The following PCDHAC1 variants were observed in gnomAD, a reference collection of about 807,000 sequenced individuals.
PCDHAC1 encodes protocadherin alpha-C1.
In PCDHAC1, 42 loss-of-function variants were observed where a neutral mutation model predicts 60.0. The observed-to-expected ratio is 0.70, with a 90% CI of 0.55 to 0.90. PCDHAC1 has a LOEUF of 0.90. Among genes scored for constraint, PCDHAC1 ranks in the 40% least tolerant of loss-of-function variants. PCDHAC1 has a pLI of 0.00. For synonymous variants in PCDHAC1, 468 were observed against 499.3 expected, an observed-to-expected ratio of 0.94 and a Z score of 0.84; for missense variants, 1,160 against 1,222.3, an observed-to-expected ratio of 0.95 and a Z score of 0.76.
chr5:140,941,862 T>G (rs1007783083), intron 1 of PCDHAC1, among the ~76,000 whole-genome samples: 33 of 152,238 alleles, frequency 2.2e-4, no homozygotes, highest in African/African-American at 7.7e-4. Context: ...TTCCCTATCA[T>G]AGAGTTCTAT....
Position 140,927,422 on chromosome 5 carries a change from T to G in PCDHAC1, c.530T>G (p.Val177Gly). ...TTTCGCCTGGACATGGGATCGCGGG[T>G]TGACGGCAGCGAATACCCGGAGTTG... Reference protein sequence around the residue: ...QHFRLDMGSRVDGSEYPELVL... With the variant: ...QHFRLDMGSRGDGSEYPELVL... The change falls in exon 1 of 4, where the codon GTT becomes GGT. Residue 177 changes from valine to glycine, a missense_variant. Transcript: ENST00000253807. The G allele has an allele frequency of 6.2e-7, 1 of 1,614,028 alleles. No individual in the cohort carries two copies.
Position 140,982,485 on chromosome 5 carries a change from C to T in PCDHAC1, c.2503C>T (p.Leu835=). 1 of 1,614,100 alleles carries T rather than the reference C, an allele frequency of 6.2e-7. No homozygotes were observed. The highest frequency in any genetic ancestry group is 8.5e-7 in the Non-Finnish European group (1 of 1,180,004). The part of the protein sequence containing the change: ...LRAGMHSSVH[L]EEAGILRAGP... ...TGTGTGTTTATTCAGCTCTGTGCAC[C>T]TAGAGGAGGCTGGCATTCTACGGGC... The change falls in exon 3 of 4, where the codon CTA becomes TTA. Residue 835 remains leucine (L), a synonymous_variant. Coordinates refer to ENST00000253807, the MANE Select transcript of PCDHAC1 (RefSeq NM_018898.5).
chr5:140,952,821 A>G (rs269545), intron 1 of PCDHAC1, among the ~76,000 whole-genome samples: 31,238 of 152,098 alleles, frequency 0.21, 3,965 homozygotes, highest in African/African-American at 0.36. Context: ...CTGTACAGGA[A>G]GCATGATGCT....
Position 140,927,766 on chromosome 5 carries a change from G to A in PCDHAC1, c.874G>A (p.Glu292Lys). The A allele has an allele frequency of 1.2e-6, 2 of 1,614,234 alleles. No individual in the cohort carries two copies. The highest frequency in any genetic ancestry group is 1.7e-6 in the Non-Finnish European group (2 of 1,180,034). ...CTTTCACGTGCACCCTAAAAGTGGG[G>A]AGGTGCAAGTAGCTGCTTCACTAGG... Reference protein sequence around the residue: ...HRFHVHPKSGEVQVAASLGPP... With the variant: ...HRFHVHPKSGKVQVAASLGPP... The change falls in exon 1 of 4, where the codon GAG becomes AAG. Residue 292 changes from glutamate (E) to lysine (K), a missense_variant. Physicochemically the swap from Glu to Lys is moderately conservative, Grantham distance 56 (BLOSUM62 1). Coordinates refer to ENST00000253807, the MANE Select transcript of PCDHAC1 (RefSeq NM_018898.5).
intron 1 of PCDHAC1, among the ~76,000 whole-genome samples, chr5:140,975,698 T>C (rs1298498012): frequency 6.6e-6 from 1 of 152,202 alleles, no homozygotes; most frequent in Non-Finnish European, 1.5e-5. Flanking sequence ...TTTAAACTTA[T>C]TTTACTTTAA....
At chr5:140,988,519 T>C (rs187868159) in intron 3 of PCDHAC1, among the ~76,000 whole-genome samples, 69 of 152,324 alleles carry the variant, frequency 4.5e-4, no homozygotes, top group African/African-American at 1.5e-3. Context: ...TACTTAAGTC[T>C]CTGCTGGCTC....
intron 1 of PCDHAC1, among the ~76,000 whole-genome samples, chr5:140,970,348 T>A (rs2096398928): frequency 6.6e-6 from 1 of 152,186 alleles, no homozygotes; most frequent in Admixed American, 6.5e-5. Context: ...ATTTTCTGGA[T>A]CTAAAATTTG....
chr5:140,949,012 A>G (rs1029892336), intron 1 of PCDHAC1, among the ~76,000 whole-genome samples: 11 of 151,632 alleles, frequency 7.3e-5, no homozygotes, highest in African/African-American at 2.7e-4. Flanking sequence ...TTTATATGTG[A>G]TGTTTTTATT....
At chr5:140,938,796 C>T (rs563991147) in intron 1 of PCDHAC1, among the ~76,000 whole-genome samples, 4 of 152,138 alleles carry the variant, frequency 2.6e-5, no homozygotes, top group East Asian at 3.9e-4. Context: ...ATGAAATAAT[C>T]GGTACCACAA....
At chr5:140,968,612 C>A (rs782101758) in intron 1 of PCDHAC1, 2 of 1,614,204 alleles carry the variant, frequency 1.2e-6, no homozygotes, top group East Asian at 2.2e-5. Flanking sequence ...AGACTCTGGG[C>A]AAAATGCTTG....
intron 3 of PCDHAC1, among the ~76,000 whole-genome samples, chr5:141,006,182 T>G (rs1388785445): frequency 1.3e-5 from 2 of 151,170 alleles, no homozygotes; most frequent in Non-Finnish European, 2.9e-5. Flanking sequence ...TTTAAAAGAG[T>G]TTGCTATATG....
intron 1 of PCDHAC1, among the ~76,000 whole-genome samples, chr5:140,964,119 TAAC>T (rs146855097): frequency 0.014 from 2,059 of 152,320 alleles, 49 homozygotes; most frequent in African/African-American, 0.047. Context: ...AATCACATTC[TAAC>T]AACTAGTAAG....
Position 140,928,682 on chromosome 5 carries a change from C to T in PCDHAC1, c.1790C>T (p.Ser597Phe), listed in dbSNP as rs782513735. The change falls in exon 1 of 4, where the codon TCC (serine) becomes TTC (phenylalanine). Residue 597 changes from serine (S) to phenylalanine (F), a missense_variant. Physicochemically the swap from Ser to Phe is radical, Grantham distance 155 (BLOSUM62 -2). This residue lies in a region of PCDHAC1 where 1,113 missense variants were observed against 1,163.7 expected (regional missense o/e 0.96). Coordinates refer to ENST00000253807, the MANE Select transcript of PCDHAC1 (RefSeq NM_018898.5). ...DADSGSNAWLSYHISRASDSS... is the reference protein window; with the variant it reads ...DADSGSNAWLFYHISRASDSS... ...GACAGTGGTTCTAATGCCTGGCTTT[C>T]CTACCACATCTCCCGGGCGTCTGAC... 1 of 1,614,174 alleles carries T rather than the reference C, an allele frequency of 6.2e-7. No homozygotes were observed. The highest frequency in any genetic ancestry group is 8.5e-7 in the Non-Finnish European group (1 of 1,180,044).
At chr5:140,934,664 T>C (rs1268113575) in intron 1 of PCDHAC1, among the ~76,000 whole-genome samples, 4 of 152,176 alleles carry the variant, frequency 2.6e-5, no homozygotes, top group Non-Finnish European at 5.9e-5. Flanking sequence ...TCTTCCCCTT[T>C]GTTTAGCAGT....
intron 1 of PCDHAC1, among the ~76,000 whole-genome samples, chr5:140,944,130 G>C (rs141500614): frequency 3.9e-4 from 60 of 152,256 alleles, no homozygotes; most frequent in Non-Finnish European, 7.9e-4. Context: ...AGAAGAAAAG[G>C]TTGAAGATTA....
Position 141,010,344 on chromosome 5 carries a change from G to C in PCDHAC1, c.*407G>C. ...CAGCTTGGGAGTTTGTGGCCACTGG[G>C]TATGTGTGGCTACCGCGGGTATGCG... is the stretch of plus-strand genomic sequence containing the variant. On this transcript the variant is annotated 3_prime_UTR_variant, in exon 4 of 4. Transcript: ENST00000253807. 1 of 1,518,888 alleles carries C rather than the reference G, an allele frequency of 6.6e-7. No homozygotes were observed. Among genetic ancestry groups the C allele is most frequent in the Non-Finnish European group, 8.8e-7 (1 of 1,132,764 alleles). The allele number at this position is 1,518,888 out of a possible 1,614,324, so 94.1% of individuals were successfully genotyped here.
intron 1 of PCDHAC1, among the ~76,000 whole-genome samples, chr5:140,964,317 G>A (rs1042787994): frequency 2.0e-5 from 3 of 152,218 alleles, no homozygotes; most frequent in Non-Finnish European, 4.4e-5. Context: ...GCCTAAAACA[G>A]CATAATGGAC....
chr5:140,933,166 T>C (rs1447932546), intron 1 of PCDHAC1, among the ~76,000 whole-genome samples: 1 of 152,002 alleles, frequency 6.6e-6, no homozygotes, highest in African/African-American at 2.4e-5. Context: ...CCAATTTTAA[T>C]TGATGGCATA....
intron 3 of PCDHAC1, among the ~76,000 whole-genome samples, chr5:141,007,748 T>C (rs188910603): frequency 1.3e-3 from 195 of 152,298 alleles, no homozygotes; most frequent in African/African-American, 4.4e-3. Context: ...GAAGATAACT[T>C]TGGACTCTTA....
Sources: allele counts gnomAD v4.1 joint callset (sites outside exome capture counted in the v4.1 genomes callset), GRCh38; gene constraint gnomAD v4.1.1; regional missense constraint gnomAD v4.1.1; transcripts MANE v1.5; gene names NCBI Gene and HGNC (gene_info 2026-07-23, HGNC 2026-07-21).